Variants in CFAP20DC observed in about 807,000 individuals in gnomAD.
The protein encoded by CFAP20DC is CFAP20 domain containing, also known as protein CFAP20DC.
Under a neutral mutation model 101.7 loss-of-function variants are expected in CFAP20DC, and 84 were observed. That is an observed-to-expected ratio of 0.83 (90% CI 0.69 to 0.99). The LOEUF is 0.99. Ranked by LOEUF, CFAP20DC falls within the 50% of genes least tolerant of loss-of-function variation. CFAP20DC has a pLI of 0.00. For missense variants in CFAP20DC, 1,007 were observed against 970.3 expected (o/e 1.04, Z -0.50); for synonymous variants, 359 against 351.2 (o/e 1.02, Z -0.25).
rs2067524109 is a variant in CFAP20DC, at chr3:58,724,683, T to C, written c.198-7055A>G. Among the ~76,000 whole-genome samples the C allele has an allele frequency of 6.6e-6, 1 of 152,250 alleles. No individual in the cohort carries two copies. Among genetic ancestry groups the C allele is most frequent in the Non-Finnish European group, 1.5e-5 (1 of 68,040 alleles). On this transcript the variant is annotated intron_variant, in intron 3 of 3. Transcript: ENST00000486145. The surrounding 1 kb of genome is among the most constrained non-coding windows in gnomAD (Gnocchi z 5.6). The stretch of plus-strand genomic sequence containing the variant: ...AAGTGATTGTACTGAATATATAGCA[T>C]GGAGACCAGAGCTCGGCGCCTTTTG...
At chr3:59,022,313 G>A (rs1268143095) in intron 4 of CFAP20DC, among the ~76,000 whole-genome samples, 1 of 151,950 alleles carries the variant, frequency 6.6e-6, no homozygotes, top group Non-Finnish European at 1.5e-5. Context: ...CATCCTGAGA[G>A]ATGTCATACC....
intron 4 of CFAP20DC, among the ~76,000 whole-genome samples, chr3:58,948,618 C>T (rs1205079477): frequency 1.3e-5 from 2 of 152,214 alleles, no homozygotes; most frequent in Non-Finnish European, 2.9e-5. Context: ...TTGAACCAGC[C>T]TTGCATCCCA....
chr3:58,742,649 A>T, intron 16 of CFAP20DC, 77 bp from the exon 17 acceptor site: 1 of 1,000,064 alleles, frequency 1.0e-6, no homozygotes, highest in South Asian at 1.6e-5. Flanking sequence ...ACGAAGCAGG[A>T]ATCACCATCT....
chr3:58,808,358 C>T (rs1426761870), intron 14 of CFAP20DC, among the ~76,000 whole-genome samples: 2 of 152,218 alleles, frequency 1.3e-5, no homozygotes, highest in Non-Finnish European at 2.9e-5. Context: ...AGACTAACAG[C>T]TGATCTCTCA....
At chr3:58,820,554 GA>G (rs1374835104) in intron 14 of CFAP20DC, among the ~76,000 whole-genome samples, 1 of 151,746 alleles carries the variant, frequency 6.6e-6, no homozygotes, top group African/African-American at 2.4e-5. Context: ...TTGCTTCAAA[GA>G]GAAGAAAATA....
At chr3:58,801,348 A>C (rs994908602) in intron 15 of CFAP20DC, among the ~76,000 whole-genome samples, 1 of 152,248 alleles carries the variant, frequency 6.6e-6, no homozygotes, top group Non-Finnish European at 1.5e-5. Context: ...AATCTGGATA[A>C]CAGGAAACAG....
chr3:58,844,926 G>A (rs1361003759), intron 13 of CFAP20DC, among the ~76,000 whole-genome samples: 10 of 132,660 alleles, frequency 7.5e-5, no homozygotes, highest in South Asian at 2.5e-4. Flanking sequence ...GGTACATAAC[G>A]AAATGAAGGC....
intron 6 of CFAP20DC, among the ~76,000 whole-genome samples, chr3:58,891,319 C>T (rs1459282772): frequency 6.6e-6 from 1 of 151,140 alleles, no homozygotes. Flanking sequence ...CAGGCTGAGG[C>T]AGGAGAATCA....
chr3:58,993,783 T>C lies in CFAP20DC; in HGVS notation c.278+45774A>G, dbSNP rs546414718. The stretch of plus-strand genomic sequence containing the variant: ...GATCTTGTTCCTTTTTATGGCTGCA[T>C]AGTATTCCATGGTGTATATGTACCA... On this transcript the variant is annotated intron_variant, in intron 4 of 16. Transcript: ENST00000482387. Among the ~76,000 whole-genome samples, 26 of 152,338 alleles carry C rather than the reference T, an allele frequency of 1.7e-4. No individual in the cohort carries two copies. The South Asian group carries it at 4.1e-3, about 24-fold the overall frequency.
At chr3:58,906,555 T>C (rs1228964967) in intron 6 of CFAP20DC, among the ~76,000 whole-genome samples, 4 of 152,202 alleles carry the variant, frequency 2.6e-5, no homozygotes, top group Admixed American at 2.6e-4. Flanking sequence ...ATATATGCCC[T>C]TTCCTCTGCC....
At chr3:58,800,132 T>C (rs1267544730) in intron 15 of CFAP20DC, among the ~76,000 whole-genome samples, 1 of 152,098 alleles carries the variant, frequency 6.6e-6, no homozygotes, top group Non-Finnish European at 1.5e-5. Flanking sequence ...CTAAGGGCAA[T>C]GGGAAACCAC....
intron 4 of CFAP20DC, among the ~76,000 whole-genome samples, chr3:59,036,037 C>T (rs62252905): frequency 0.38 from 58,263 of 152,086 alleles, 12,876 homozygotes; most frequent in East Asian, 0.56. Flanking sequence ...ATAAACAGAA[C>T]CAATGACAAA....
intron 6 of CFAP20DC, among the ~76,000 whole-genome samples, chr3:58,906,284 A>T (rs1211972446): frequency 6.6e-6 from 1 of 152,184 alleles, no homozygotes; most frequent in Non-Finnish European, 1.5e-5. Context: ...TCCTTGACCA[A>T]GGACACTCAA....
chr3:58,920,200 C>T (rs988530775), intron 5 of CFAP20DC, among the ~76,000 whole-genome samples: 3 of 151,342 alleles, frequency 2.0e-5, no homozygotes, highest in Non-Finnish European at 1.5e-5. Flanking sequence ...AGGTGATCCT[C>T]CCACTTCAGC....
chr3:58,777,487 T>C (rs768608865), intron 15 of CFAP20DC, among the ~76,000 whole-genome samples: 1 of 152,162 alleles, frequency 6.6e-6, no homozygotes, highest in African/African-American at 2.4e-5. Flanking sequence ...CAGCAGCCTA[T>C]AAATGTGTGA....
At chr3:58,909,914 G>A (rs1171171226) in intron 6 of CFAP20DC, among the ~76,000 whole-genome samples, 4 of 152,060 alleles carry the variant, frequency 2.6e-5, no homozygotes, top group Admixed American at 2.6e-4. Flanking sequence ...GCCCCAGTGT[G>A]TGTTGTTCCC....
intron 15 of CFAP20DC, among the ~76,000 whole-genome samples, chr3:58,766,901 T>C (rs142511055): frequency 1.5e-3 from 234 of 152,330 alleles, no homozygotes; most frequent in African/African-American, 5.3e-3. Context: ...CATCACACTC[T>C]TGGGAAATCT....
intron 15 of CFAP20DC, among the ~76,000 whole-genome samples, chr3:58,780,579 AAAT>A (rs2071740738): frequency 6.6e-6 from 1 of 152,102 alleles, no homozygotes; most frequent in Non-Finnish European, 1.5e-5. Context: ...TATAGACTGA[AAAT>A]AAAGGGATGA....
rs183759015 is a variant in CFAP20DC, at chr3:58,822,277, G to A, written c.2175+9409C>T. Among the ~76,000 whole-genome samples, 15 of 138,820 alleles carry A rather than the reference G, an allele frequency of 1.1e-4. No individual in the cohort carries two copies. The South Asian group carries it at 2.7e-3, about 25-fold the overall frequency. The allele number at this position is 138,820 out of a possible 152,430, so 91.1% of individuals were successfully genotyped here. On this transcript the variant is annotated intron_variant, in intron 14 of 16. Transcript: ENST00000482387. ...AACCTGCACAATGTGCACATGTACC[G>A]TAAAACTTAAAGTATAATAAAAAAA...
Sources: gnomAD v4.1 joint callset for allele counts (sites outside exome capture counted in the v4.1 genomes callset) on GRCh38, gnomAD v4.1.1 for gene constraint, Gnocchi (gnomAD v3.1) non-coding constraint, MANE v1.5 for transcripts, NCBI Gene and HGNC (gene_info 2026-07-23, HGNC 2026-07-21) for gene names.